Variants in QTMAN observed in about 807,000 individuals in gnomAD.
QTMAN encodes the protein queuosine-tRNA mannosyltransferase, also known as tRNA-queuosine alpha-mannosyltransferase.
At chr2:144,019,508 T>C in the QTMAN span, among the ~76,000 whole-genome samples, 6 of 139,638 alleles carry the variant, frequency 4.3e-5, no homozygotes, top group Non-Finnish European at 9.2e-5. Context: ...AAGAAGAAGG[T>C]TGCGTGTTCC....
the QTMAN span, among the ~76,000 whole-genome samples, chr2:144,180,338 C>T: frequency 2.6e-5 from 4 of 151,890 alleles, no homozygotes; most frequent in East Asian, 7.7e-4. Context: ...TGTAATAGCT[C>T]GATGAAATCT....
At chr2:144,203,942 T>C in the QTMAN span, among the ~76,000 whole-genome samples, 5 of 152,020 alleles carry the variant, frequency 3.3e-5, no homozygotes, top group Admixed American at 1.3e-4. Context: ...TGGCTAGCCA[T>C]ATGTAGAAAG....
the QTMAN span, among the ~76,000 whole-genome samples, chr2:144,290,241 C>T: frequency 2.6e-5 from 4 of 152,108 alleles, no homozygotes; most frequent in Admixed American, 6.5e-5. Context: ...ATTCTTTGCT[C>T]AATCAAACTC....
chr2:144,055,334 G>GACACAC, the QTMAN span, among the ~76,000 whole-genome samples: 2,267 of 132,836 alleles, frequency 0.017, 32 homozygotes, highest in East Asian at 0.061. Context: ...CAGACACACA[G>GACACAC]ACACACACAC....
At chr2:144,239,649 T>C in the QTMAN span, among the ~76,000 whole-genome samples, 1 of 152,192 alleles carries the variant, frequency 6.6e-6, no homozygotes, top group African/African-American at 2.4e-5. Context: ...ACAGAACTTT[T>C]CAGAAAACCC....
the QTMAN span, among the ~76,000 whole-genome samples, chr2:144,186,917 A>G: frequency 2.6e-5 from 4 of 152,200 alleles, no homozygotes; most frequent in South Asian, 6.2e-4. Context: ...CCTCAGCTGC[A>G]AAATGACAGC....
the QTMAN span, among the ~76,000 whole-genome samples, chr2:144,031,348 GA>G: frequency 2.0e-5 from 3 of 152,094 alleles, no homozygotes; most frequent in African/African-American, 7.2e-5. Flanking sequence ...CCTCAGAAGA[GA>G]AAATTGGATA....
the QTMAN span, among the ~76,000 whole-genome samples, chr2:144,325,269 TCA>T: frequency 4.6e-5 from 7 of 152,170 alleles, no homozygotes; most frequent in Admixed American, 3.3e-4. Flanking sequence ...TCTTAAGGAG[TCA>T]CACACACTTT....
chr2:143,995,319 C>G, the QTMAN span, among the ~76,000 whole-genome samples: 3 of 151,942 alleles, frequency 2.0e-5, no homozygotes, highest in African/African-American at 7.2e-5. Flanking sequence ...TATTTCTTTT[C>G]TTTTTTTCTA....
At chr2:144,156,742 GTTATATA>G in the QTMAN span, among the ~76,000 whole-genome samples, 213 of 152,126 alleles carry the variant, frequency 1.4e-3, 2 homozygotes, top group African/African-American at 4.9e-3. Flanking sequence ...CCCTCTTTAA[GTTATATA>G]TTAGATTATC....
the QTMAN span, among the ~76,000 whole-genome samples, chr2:143,993,432 AGATAT>A: frequency 2.0e-5 from 3 of 151,544 alleles, no homozygotes; most frequent in African/African-American, 7.3e-5. Flanking sequence ...GGGACTTTGC[AGATAT>A]GATTAAGCAT....
the QTMAN span, among the ~76,000 whole-genome samples, chr2:144,107,019 C>G: frequency 6.6e-6 from 1 of 152,150 alleles, no homozygotes; most frequent in African/African-American, 2.4e-5. Context: ...GGGTACATAA[C>G]AAAATGAAGG....
At chr2:144,062,072 T>C in the QTMAN span, among the ~76,000 whole-genome samples, 1 of 152,186 alleles carries the variant, frequency 6.6e-6, no homozygotes, top group Non-Finnish European at 1.5e-5. Flanking sequence ...CAGACAAGAA[T>C]TTGGGATGCA....
chr2:144,145,991 A>T, the QTMAN span: 1 of 168,036 alleles, frequency 6.0e-6, no homozygotes, highest in African/African-American at 4.5e-5. Context: ...GTTAAAAAAA[A>T]AAAAAAAAAA....
the QTMAN span, among the ~76,000 whole-genome samples, chr2:143,978,078 T>C: frequency 6.6e-6 from 1 of 152,238 alleles, no homozygotes. Flanking sequence ...TCACCTTAGC[T>C]ATGTTCCTCT....
the QTMAN span, among the ~76,000 whole-genome samples, chr2:144,305,481 C>T: frequency 2.0e-5 from 3 of 152,164 alleles, no homozygotes; most frequent in East Asian, 1.9e-4. Context: ...ATACCAGTAT[C>T]GCCCTGTTTT....
the QTMAN span, among the ~76,000 whole-genome samples, chr2:144,198,701 CAA>C: frequency 6.6e-5 from 10 of 152,160 alleles, no homozygotes; most frequent in East Asian, 1.5e-3. Flanking sequence ...TTGTATCGCA[CAA>C]AAGAGTCCAG....
chr2:144,289,201 A>G, the QTMAN span, among the ~76,000 whole-genome samples: 45 of 152,128 alleles, frequency 3.0e-4, no homozygotes, highest in African/African-American at 1.0e-3. Flanking sequence ...ACCCAGCTAG[A>G]GACAGGGTTT....
chr2:144,047,597 A>G, the QTMAN span, among the ~76,000 whole-genome samples: 1 of 152,318 alleles, frequency 6.6e-6, no homozygotes, highest in African/African-American at 2.4e-5. Context: ...GAAATCAAGC[A>G]GTCAGACCAG....
Sources: allele counts gnomAD v4.1 joint callset (sites outside exome capture counted in the v4.1 genomes callset), GRCh38; gene constraint gnomAD v4.1.1; transcripts MANE v1.5; gene names NCBI Gene and HGNC (gene_info 2026-07-23, HGNC 2026-07-21).